The following RCAN2 variants were observed in gnomAD, a reference collection of about 807,000 sequenced individuals.
RCAN2 encodes the protein regulator of calcineurin 2, also known as calcipressin-2.
A neutral mutation model predicts 23.6 loss-of-function variants in RCAN2; 9 were observed. That is an observed-to-expected ratio of 0.38 (90% CI 0.23 to 0.67). RCAN2 has a LOEUF of 0.67. Ranked by LOEUF, RCAN2 falls within the 30% of genes least tolerant of loss-of-function variation. RCAN2 has a pLI of 0.51. For missense variants in RCAN2, 273 were observed against 302.3 expected, an observed-to-expected ratio of 0.90 and a Z score of 0.72; for synonymous variants, 109 against 115.7, an observed-to-expected ratio of 0.94 and a Z score of 0.37.
intron 4 of RCAN2, among the ~76,000 whole-genome samples, chr6:46,246,324 A>G (rs1442222): frequency 0.87 from 132,220 of 152,140 alleles, 57,589 homozygotes; most frequent in East Asian, 0.97. Context: ...TCTTGTAACA[A>G]GGGGTTCCTG....
At chr6:46,415,939 G>T (rs1289312688) in intron 2 of RCAN2, among the ~76,000 whole-genome samples, 1 of 152,016 alleles carries the variant, frequency 6.6e-6, no homozygotes, top group Non-Finnish European at 1.5e-5. Context: ...CAAACTCTTG[G>T]ATCATTTAAA....
chr6:46,436,675 T>G (rs957385061), intron 2 of RCAN2, among the ~76,000 whole-genome samples: 1 of 152,220 alleles, frequency 6.6e-6, no homozygotes, highest in East Asian at 1.9e-4. Context: ...TACTGTTACT[T>G]GATGCTGTTT....
chr6:46,328,791 A>G (rs1303616348), intron 2 of RCAN2, among the ~76,000 whole-genome samples: 1 of 152,182 alleles, frequency 6.6e-6, no homozygotes, highest in African/African-American at 2.4e-5. Flanking sequence ...TTGTATTTTT[A>G]GAAGAGATGG....
intron 2 of RCAN2, among the ~76,000 whole-genome samples, chr6:46,427,768 T>C (rs1435678636): frequency 2.0e-5 from 3 of 152,158 alleles, no homozygotes; most frequent in Non-Finnish European, 2.9e-5. Context: ...AACCAACAGA[T>C]AGACAATTCA....
intron 2 of RCAN2, among the ~76,000 whole-genome samples, chr6:46,423,584 A>G (rs2150413377): frequency 6.6e-6 from 1 of 152,332 alleles, no homozygotes; most frequent in East Asian, 1.9e-4. Flanking sequence ...CACCTTCGAT[A>G]GACATTTTTT....
At chr6:46,354,355 G>A (rs963666203) in intron 2 of RCAN2, among the ~76,000 whole-genome samples, 2 of 152,030 alleles carry the variant, frequency 1.3e-5, no homozygotes, top group African/African-American at 4.8e-5. Context: ...GAGCTGTGAC[G>A]TGTCCTGACA....
intron 2 of RCAN2, among the ~76,000 whole-genome samples, chr6:46,450,189 G>C (rs1463226633): frequency 6.6e-6 from 1 of 152,062 alleles, no homozygotes; most frequent in South Asian, 2.1e-4. Context: ...TGACCAGTAA[G>C]TGTATTAAAA....
At chr6:46,487,343 A>G (rs950248134) in intron 1 of RCAN2, among the ~76,000 whole-genome samples, 1 of 152,196 alleles carries the variant, frequency 6.6e-6, no homozygotes, top group African/African-American at 2.4e-5. Flanking sequence ...GTGTTTTTAT[A>G]CTACCAACAT....
chr6:46,378,067 C>T (rs568955357), intron 2 of RCAN2, among the ~76,000 whole-genome samples: 33 of 152,332 alleles, frequency 2.2e-4, no homozygotes, highest in African/African-American at 7.9e-4. Context: ...TAGGCACTAA[C>T]TAAATATTCG....
At chr6:46,453,481 C>T (rs781169561) in intron 2 of RCAN2, among the ~76,000 whole-genome samples, 4 of 152,156 alleles carry the variant, frequency 2.6e-5, no homozygotes, top group East Asian at 1.9e-4. Context: ...ATGAACATTA[C>T]GGACAACACA....
chr6:46,227,851 T>G (rs1404836188), intron 4 of RCAN2, among the ~76,000 whole-genome samples: 3 of 152,258 alleles, frequency 2.0e-5, no homozygotes, highest in African/African-American at 7.2e-5. Context: ...TGTCTAATTC[T>G]TTTAATTGTG....
chr6:46,414,532 T>C (rs1766646563), intron 2 of RCAN2, among the ~76,000 whole-genome samples: 1 of 152,238 alleles, frequency 6.6e-6, no homozygotes. Flanking sequence ...TTTGTGAACA[T>C]ATTTTTAGAT....
In RCAN2 at chr6:46,368,726, G is replaced by T. The variant is rs76650340; in HGVS notation, c.225+88026C>A. Among the ~76,000 whole-genome samples the T allele has an allele frequency of 8.7e-4, 133 of 152,294 alleles. No individual in the cohort carries two copies. In the East Asian group the frequency reaches 0.011, roughly 13 times the overall value. On this transcript the variant is annotated intron_variant, in intron 2 of 4. Transcript: ENST00000371374. ...AAATAAAAAGTGGTGCACCTGTAGA[G>T]AACACTTACAGGAATGGAGCTTTTA... is the stretch of plus-strand genomic sequence containing the variant.
intron 2 of RCAN2, among the ~76,000 whole-genome samples, chr6:46,420,881 C>A (rs1766868569): frequency 1.3e-5 from 2 of 152,080 alleles, no homozygotes; most frequent in African/African-American, 4.8e-5. Flanking sequence ...CATAAAGATG[C>A]ACAGACACTA....
chr6:46,315,871 AG>A (rs1420813855), intron 2 of RCAN2, among the ~76,000 whole-genome samples: 1 of 152,092 alleles, frequency 6.6e-6, no homozygotes, highest in African/African-American at 2.4e-5. Flanking sequence ...CCTGTTCTAC[AG>A]GGAACACTTA....
rs372544155 is a variant in RCAN2, at chr6:46,246,737, G to T, written c.571+11C>A. Reference sequence around the variant, plus strand: ...CAAACGTTTATTTTTAAAATGGACCGCAAAGCTTACCTGGTCCTAGTTTGG... The same window carrying T: ...CAAACGTTTATTTTTAAAATGGACCTCAAAGCTTACCTGGTCCTAGTTTGG... On this transcript the variant is annotated intron_variant, in intron 4 of 4. Coordinates refer to ENST00000371374, the MANE Select transcript of RCAN2 (RefSeq NM_001251974.2). 3 of 1,608,854 alleles carry T rather than the reference G, an allele frequency of 1.9e-6. No homozygotes were observed. Among genetic ancestry groups the T allele is most frequent in the Non-Finnish European group, 2.5e-6 (3 of 1,177,438 alleles).
intron 2 of RCAN2, among the ~76,000 whole-genome samples, chr6:46,273,714 A>C (rs1767595134): frequency 6.6e-6 from 1 of 152,250 alleles, no homozygotes; most frequent in Admixed American, 6.5e-5. Flanking sequence ...TTTTCTCTTT[A>C]TATAATGCAG....
intron 2 of RCAN2, among the ~76,000 whole-genome samples, chr6:46,329,009 A>G (rs1763879887): frequency 6.6e-6 from 1 of 152,164 alleles, no homozygotes; most frequent in African/African-American, 2.4e-5. Context: ...TGTAAACACT[A>G]GACTTGGATT....
At chr6:46,392,310 A>C (rs1765961531) in intron 2 of RCAN2, among the ~76,000 whole-genome samples, 1 of 152,170 alleles carries the variant, frequency 6.6e-6, no homozygotes, top group Non-Finnish European at 1.5e-5. Context: ...AAAAGAAAGA[A>C]ATCTTATTGA....
Sources: allele counts gnomAD v4.1 joint callset (sites outside exome capture counted in the v4.1 genomes callset), GRCh38; gene constraint gnomAD v4.1.1; transcripts MANE v1.5; gene names NCBI Gene and HGNC (gene_info 2026-07-23, HGNC 2026-07-21).